The following COL21A1 variants were observed in gnomAD, a reference collection of about 807,000 sequenced individuals.
The protein encoded by COL21A1 is collagen alpha-1(XXI) chain.
In COL21A1, 149 loss-of-function variants were observed where a neutral mutation model predicts 137.9. That is an observed-to-expected ratio of 1.08 (90% CI 0.95 to 1.24). The LOEUF (loss-of-function observed/expected upper bound fraction) is 1.24, where lower values mean the gene tolerates loss of function less well. Ranked by LOEUF, COL21A1 falls within the 50% of genes most tolerant of loss-of-function variation. The pLI, the probability that COL21A1 is intolerant of heterozygous loss-of-function variation, is 0.00. For synonymous variants in COL21A1, 456 were observed against 391.5 expected (o/e 1.16, Z -1.95); for missense variants, 1,167 against 1,158.4 (o/e 1.01, Z -0.11).
At chr6:56,289,314 A>G (rs942730791) in intron 1 of COL21A1, among the ~76,000 whole-genome samples, 2 of 152,214 alleles carry the variant, frequency 1.3e-5, no homozygotes, top group Non-Finnish European at 2.9e-5. Context: ...AGTTCCTTCC[A>G]GCAATATACA....
chr6:56,338,459 C>T (rs982789484), intron 1 of COL21A1, among the ~76,000 whole-genome samples: 8 of 152,084 alleles, frequency 5.3e-5, no homozygotes, highest in African/African-American at 1.7e-4. Context: ...TGAGCCCTGC[C>T]CCCTCTCACC....
intron 1 of COL21A1, among the ~76,000 whole-genome samples, chr6:56,292,278 T>G (rs1276103854): frequency 6.6e-6 from 1 of 152,204 alleles, no homozygotes; most frequent in Non-Finnish European, 1.5e-5. Flanking sequence ...ACTCTGCTTT[T>G]GTTTAAAATT....
At position 56,141,997 on chromosome 6, in the gene COL21A1, T is replaced by A. The variant is rs1407960762; in HGVS notation, c.1435-14A>T. 6.7e-7 allele frequency: 1 copy of A among 1,491,112 alleles called. No homozygotes were observed. Among genetic ancestry groups the A allele is most frequent in the Non-Finnish European group, 9.0e-7 (1 of 1,107,734 alleles). The allele number at this position is 1,491,112 out of a possible 1,614,324, so 92.4% of individuals were successfully genotyped here. On this transcript the variant is annotated splice_polypyrimidine_tract_variant and intron_variant, in intron 10 of 29. Coordinates refer to ENST00000244728, the MANE Select transcript of COL21A1 (RefSeq NM_030820.4). ...TCCCTGATATCCCTAAAGAAAAATT[T>A]AAAAAGAAAAAAAATAATATTTCAT...
At chr6:56,256,293 C>G (rs1028985027) in intron 1 of COL21A1, among the ~76,000 whole-genome samples, 2 of 152,190 alleles carry the variant, frequency 1.3e-5, no homozygotes, top group African/African-American at 4.8e-5. Flanking sequence ...TCTGATGCAA[C>G]ACCTTTATTT....
intron 10 of COL21A1, among the ~76,000 whole-genome samples, chr6:56,142,360 C>T (rs1165297015): frequency 6.6e-6 from 1 of 152,074 alleles, no homozygotes; most frequent in South Asian, 2.1e-4. Flanking sequence ...ATTTGTAAAC[C>T]ACCTAATTAA....
intron 1 of COL21A1, among the ~76,000 whole-genome samples, chr6:56,285,739 T>C (rs1046452818): frequency 6.6e-6 from 1 of 152,072 alleles, no homozygotes; most frequent in African/African-American, 2.4e-5. Flanking sequence ...ATCAAAGTCC[T>C]CTTCCCACTC....
intron 1 of COL21A1, among the ~76,000 whole-genome samples, chr6:56,352,910 G>A (rs984167848): frequency 1.1e-4 from 17 of 152,054 alleles, no homozygotes; most frequent in African/African-American, 3.9e-4. Context: ...GCGTGGTGGC[G>A]CAAGTCTGTA....
At chr6:56,123,921 C>T (rs1397936916) in intron 16 of COL21A1, 141 bp downstream of exon 16, 7 of 667,238 alleles carry the variant, frequency 1.0e-5, no homozygotes, top group African/African-American at 3.7e-5. Context: ...TTTTAAATTA[C>T]ACGTAAAAAA....
chr6:56,125,960 T>A (rs893913332), intron 13 of COL21A1, 136 bp downstream of exon 13: 10 of 551,712 alleles, frequency 1.8e-5, no homozygotes, highest in African/African-American at 1.8e-4. Flanking sequence ...AAACTAATAT[T>A]AATCTTAGCC....
At chr6:56,117,574 A>C (rs2152200628) in intron 16 of COL21A1, among the ~76,000 whole-genome samples, 1 of 152,184 alleles carries the variant, frequency 6.6e-6, no homozygotes, top group Middle Eastern at 3.4e-3. Flanking sequence ...TCTGCACTAC[A>C]GACCAAACGA....
Position 56,129,675 on chromosome 6 carries a change from C to CGTGTGTGTGTGTGTGTGTGTGTGTGT in COL21A1, c.1543-3527_1543-3526insACACACACACACACACACACACACAC, listed in dbSNP as rs78820557. ...TGTTGCTTCCTCTGTCACGTGCGTGCGTGTGTGTGTGTGTGTGTGTGTGTG... is the reference window on the plus strand; with the variant it reads ...TGTTGCTTCCTCTGTCACGTGCGTGCGTGTGTGTGTGTGTGTGTGTGTGTGTGTGTGTGTGTGTGTGTGTGTGTGTG... On this transcript the variant is annotated intron_variant, in intron 12 of 29. Coordinates refer to ENST00000244728, the MANE Select transcript of COL21A1 (RefSeq NM_030820.4). Among the ~76,000 whole-genome samples the CGTGTGTGTGTGTGTGTGTGTGTGTGT allele has an allele frequency of 4.4e-5, 6 of 136,414 alleles. No homozygotes were observed. The East Asian group carries it at 1.4e-3, about 31-fold the overall frequency. 89.5% of individuals were successfully genotyped at this position (136,414 alleles called of 152,430 possible).
rs1362133423 is a variant in COL21A1 at position 56,164,840 on chromosome 6, A to C, written c.1279-18T>G. The C allele has an allele frequency of 5.3e-6, 8 of 1,518,270 alleles. No individual in the cohort carries two copies. Among genetic ancestry groups the C allele is most frequent in the Non-Finnish European group, 6.3e-6 (7 of 1,114,846 alleles). The allele number at this position is 1,518,270 out of a possible 1,614,324, so 94.0% of individuals were successfully genotyped here. A position where few individuals can be genotyped will look rare whatever the true frequency, so the allele number is the denominator to read the frequency against. ...TCTCCATTCTGAAAGAAAAACAACA[A>C]ATGTGTTTTAAAATGTTTTAAATAA... On this transcript the variant is annotated intron_variant, in intron 7 of 29. Coordinates refer to ENST00000244728, the MANE Select transcript of COL21A1 (RefSeq NM_030820.4).
intron 1 of COL21A1, among the ~76,000 whole-genome samples, chr6:56,197,972 A>G (rs770532134): frequency 4.6e-4 from 70 of 152,220 alleles, no homozygotes; most frequent in Non-Finnish European, 8.7e-4. Flanking sequence ...TCAACTGAAG[A>G]ATGAATAAAG....
intron 1 of COL21A1, among the ~76,000 whole-genome samples, chr6:56,304,160 C>T (rs1356648545): frequency 3.3e-5 from 5 of 152,174 alleles, no homozygotes; most frequent in Middle Eastern, 3.4e-3. Context: ...ATTTTTGCAT[C>T]GATGTTCATC....
chr6:56,204,518 C>CAG (rs1209914895), intron 1 of COL21A1, among the ~76,000 whole-genome samples: 1 of 152,180 alleles, frequency 6.6e-6, no homozygotes, highest in African/African-American at 2.4e-5. Flanking sequence ...CTCCCTGGGA[C>CAG]AGAGCACCAG....
chr6:56,076,001 C>T (rs1204010062), intron 18 of COL21A1, among the ~76,000 whole-genome samples: 1 of 151,496 alleles, frequency 6.6e-6, no homozygotes, highest in Non-Finnish European at 1.5e-5. Context: ...TGAGAGAGTG[C>T]TGGTCTTCCA....
intron 1 of COL21A1, among the ~76,000 whole-genome samples, chr6:56,380,119 C>T (rs759309647): frequency 6.6e-6 from 1 of 152,134 alleles, no homozygotes; most frequent in Non-Finnish European, 1.5e-5. Context: ...TTGGTGCAAC[C>T]CCCTCTAGTT....
chr6:56,073,100 C>G (rs958248606), intron 20 of COL21A1, among the ~76,000 whole-genome samples: 1 of 148,790 alleles, frequency 6.7e-6, no homozygotes, highest in African/African-American at 2.5e-5. Context: ...TGTGGTGTAT[C>G]TAATAAAAAA....
chr6:56,237,379 T>C (rs1433562295), intron 1 of COL21A1, among the ~76,000 whole-genome samples: 2 of 152,134 alleles, frequency 1.3e-5, no homozygotes, highest in Non-Finnish European at 1.5e-5. Context: ...GTTAACTTTA[T>C]GATAAATGCT....
Sources: allele counts gnomAD v4.1 joint callset (sites outside exome capture counted in the v4.1 genomes callset), GRCh38; gene constraint gnomAD v4.1.1; transcripts MANE v1.5; gene names NCBI Gene and HGNC (gene_info 2026-07-23, HGNC 2026-07-21).